Variants in TMPRSS7 observed in about 807,000 individuals in gnomAD.
TMPRSS7 encodes the protein transmembrane serine protease 7, also known as transmembrane protease serine 7.
A neutral mutation model predicts 95.6 loss-of-function variants in TMPRSS7; 81 were observed. That is an observed-to-expected ratio of 0.85 (90% confidence interval 0.71 to 1.02). The LOEUF is 1.02. Among genes scored for constraint, TMPRSS7 ranks in the 50% least tolerant of loss-of-function variants. The pLI is 0.00. For synonymous variants in TMPRSS7, 364 were observed against 337.8 expected (o/e 1.08, Z -0.85); for missense variants, 945 against 955.2 (o/e 0.99, Z 0.14).
At chr3:112,057,271 C>T (rs1347628355) in intron 10 of TMPRSS7, 140 bp downstream of exon 10, 2 of 615,300 alleles carry the variant, frequency 3.3e-6, no homozygotes, top group African/African-American at 3.7e-5. Flanking sequence ...GTAACTTGCT[C>T]AAGGCCATGC....
intron 10 of TMPRSS7, among the ~76,000 whole-genome samples, chr3:112,060,823 T>G (rs57643560): frequency 0.043 from 6,483 of 152,232 alleles, 422 homozygotes; most frequent in African/African-American, 0.14. Flanking sequence ...AATCACAAGG[T>G]TATTGATTGG....
chr3:112,038,935 T>A (rs1337836254), intron 2 of TMPRSS7, among the ~76,000 whole-genome samples: 1 of 152,176 alleles, frequency 6.6e-6, no homozygotes, highest in African/African-American at 2.4e-5. Context: ...AGATTTTGAC[T>A]GGTTCAGAAA....
intron 13 of TMPRSS7, among the ~76,000 whole-genome samples, chr3:112,069,361 C>T (rs2073614283): frequency 6.6e-6 from 1 of 152,138 alleles, no homozygotes; most frequent in Admixed American, 6.5e-5. Flanking sequence ...GGGAGGATTC[C>T]CTCTTTTTCT....
chr3:112,058,118 T>C (rs1480697849), intron 10 of TMPRSS7, among the ~76,000 whole-genome samples: 1 of 152,206 alleles, frequency 6.6e-6, no homozygotes, highest in Non-Finnish European at 1.5e-5. Flanking sequence ...AGTTAAAGGA[T>C]TTGCTGCTAC....
chr3:112,078,818 G>C, exon 17 of TMPRSS7: 1 of 1,614,140 alleles, frequency 6.2e-7, no homozygotes, highest in Non-Finnish European at 8.5e-7. Context: ...CCACCTACGG[G>C]ATCATCACTT....
chr3:112,070,836 G>A (rs1008653765), intron 13 of TMPRSS7, among the ~76,000 whole-genome samples: 3 of 152,178 alleles, frequency 2.0e-5, no homozygotes, highest in Non-Finnish European at 4.4e-5. Flanking sequence ...GTGCAGGTTT[G>A]TTACATATGT....
chr3:112,064,565 G>A (rs917579776), intron 12 of TMPRSS7, among the ~76,000 whole-genome samples: 1 of 143,192 alleles, frequency 7.0e-6, no homozygotes, highest in East Asian at 2.2e-4. Flanking sequence ...AACTGCCCAG[G>A]CTGCCCAGGC....
chr3:112,043,566 T>G (rs1300997185), intron 3 of TMPRSS7, among the ~76,000 whole-genome samples: 5 of 152,186 alleles, frequency 3.3e-5, no homozygotes, highest in Non-Finnish European at 5.9e-5. Context: ...TTTCTAAGGG[T>G]TAAATTTTTT....
intron 1 of TMPRSS7, among the ~76,000 whole-genome samples, chr3:112,037,860 C>T (rs1283725231): frequency 6.6e-6 from 1 of 152,138 alleles, no homozygotes; most frequent in African/African-American, 2.4e-5. Context: ...GGTTTGTATA[C>T]AGTAATGTCT....
At chr3:112,075,238 T>A (rs2073696972) in intron 14 of TMPRSS7, 83 bp from the exon 15 acceptor site, 2 of 1,336,130 alleles carry the variant, frequency 1.5e-6, no homozygotes, top group Admixed American at 3.0e-5. Context: ...GTGAGTCAGT[T>A]CCCAGCCAGC....
chr3:112,050,703 A>G (rs1412905631), exon 9 of TMPRSS7: 1 of 1,605,152 alleles, frequency 6.2e-7, no homozygotes, highest in Non-Finnish European at 8.5e-7. Flanking sequence ...CAAAGACATC[A>G]CTGGCTTTGA....
chr3:112,056,235 T>C (rs2073431598), intron 9 of TMPRSS7, among the ~76,000 whole-genome samples: 1 of 152,170 alleles, frequency 6.6e-6, no homozygotes, highest in Admixed American at 6.5e-5. Context: ...CATGAAGCAT[T>C]CATAAATTTG....
intron 9 of TMPRSS7, among the ~76,000 whole-genome samples, chr3:112,053,497 A>G (rs2073391357): frequency 6.6e-6 from 1 of 152,232 alleles, no homozygotes; most frequent in Non-Finnish European, 1.5e-5. Context: ...GTAGCAAGAT[A>G]AAGTTCTTGT....
intron 9 of TMPRSS7, among the ~76,000 whole-genome samples, chr3:112,053,309 G>A (rs10934133): frequency 0.26 from 38,827 of 151,894 alleles, 5,046 homozygotes; most frequent in Middle Eastern, 0.29. Flanking sequence ...TTTGAAATTT[G>A]CTGAAGAGCA....
At chr3:112,042,128 A>G (rs1025675278) in intron 3 of TMPRSS7, 78 bp downstream of exon 3, 1 of 1,230,914 alleles carries the variant, frequency 8.1e-7, no homozygotes, top group Non-Finnish European at 1.2e-6. Flanking sequence ...AGGGGAACAC[A>G]AGTGTCACAG....
intron 13 of TMPRSS7, among the ~76,000 whole-genome samples, chr3:112,071,371 C>G (rs1231584971): frequency 1.3e-5 from 2 of 152,094 alleles, no homozygotes; most frequent in South Asian, 2.1e-4. Context: ...CTTTGGCTGC[C>G]CTTAACATTT....
exon 15 of TMPRSS7, chr3:112,075,462 T>C: frequency 6.6e-7 from 1 of 1,521,400 alleles, no homozygotes. Flanking sequence ...GAGTGGCTTC[T>C]TTCTGCAGCC....
chr3:112,062,152 A>C (rs899252679), intron 11 of TMPRSS7, among the ~76,000 whole-genome samples: 3 of 151,988 alleles, frequency 2.0e-5, no homozygotes, highest in Non-Finnish European at 4.4e-5. Flanking sequence ...AAGAAATAAT[A>C]TAACTTTTTA....
At chr3:112,038,028 G>A in intron 1 of TMPRSS7, 44 bp from the exon 2 acceptor site, 1 of 697,026 alleles carries the variant, frequency 1.4e-6, no homozygotes, top group East Asian at 2.7e-5. Flanking sequence ...TTAAGATCCT[G>A]TCTACTTCTA....
Sources: gnomAD v4.1 joint callset for allele counts (sites outside exome capture counted in the v4.1 genomes callset) on GRCh38, gnomAD v4.1.1 for gene constraint, MANE v1.5 for transcripts, NCBI Gene and HGNC (gene_info 2026-07-23, HGNC 2026-07-21) for gene names.